EXOSC7: variants seen among roughly 807,000 people sequenced by gnomAD.
EXOSC7 encodes exosome component 7, also known as exosome complex component RRP42.
In EXOSC7, 25 loss-of-function variants were observed where a neutral mutation model predicts 34.3. The observed-to-expected ratio is 0.73, with a 90% CI of 0.53 to 1.02. The LOEUF is 1.02. EXOSC7 is among the 50% of genes least tolerant of loss of function. EXOSC7 has a pLI of 0.00. For missense variants in EXOSC7, 370 were observed against 368.5 expected, an observed-to-expected ratio of 1.00 and a Z score of -0.03; for synonymous variants, 130 against 143.0, an observed-to-expected ratio of 0.91 and a Z score of 0.65.
intron 3 of EXOSC7, 59 bp from the exon 4 acceptor site, chr3:44,997,028 C>G: frequency 6.5e-6 from 10 of 1,547,408 alleles, no homozygotes; most frequent in Non-Finnish European, 8.0e-6. Flanking sequence ...AAAGCTTTGC[C>G]TCTTTGCTTT....
At chr3:45,008,230 C>A (rs114400115) in intron 7 of EXOSC7, among the ~76,000 whole-genome samples, 193 of 152,328 alleles carry the variant, frequency 1.3e-3, no homozygotes, top group African/African-American at 4.3e-3. Context: ...CTTCTTTCCC[C>A]TATATCCACC....
Position 44,984,319 on chromosome 3 carries a change from A to C in EXOSC7, c.58-4821A>C, listed in dbSNP as rs149060009. ...GACCCCATCTCTACAAAAAGTAAAA[A>C]ATAAAAATTAGCTGGGCATGTTGAC... On this transcript the variant is annotated intron_variant, in intron 1 of 7. Transcript: ENST00000265564. Among the ~76,000 whole-genome samples, 406 of 152,252 alleles carry C rather than the reference A, an allele frequency of 2.7e-3. 3 individuals carry two copies. Among genetic ancestry groups the C allele is most frequent in the African/African-American group, 8.8e-3 (366 of 41,544 alleles).
In EXOSC7 at chr3:45,011,303, G is replaced by A; in HGVS notation, c.840G>A (p.Leu280=). 6.2e-7 allele frequency: 1 copy of A among 1,613,090 alleles called. No individual in the cohort carries two copies. The highest frequency in any genetic ancestry group is 8.5e-7 in the Non-Finnish European group (1 of 1,179,490). ...LQSVVHKEES[L]GPKRQKVGFL... Reference sequence around the variant, plus strand: ...GTGTTGTGCACAAGGAAGAAAGCCTGGGGCCCAAGAGACAGAAAGTTGGAT... The same window carrying A: ...GTGTTGTGCACAAGGAAGAAAGCCTAGGGCCCAAGAGACAGAAAGTTGGAT... Residue 280 remains leucine (L), a synonymous_variant, in exon 8 of 8, where the codon CTG becomes CTA. Coordinates refer to ENST00000265564, the MANE Select transcript of EXOSC7 (RefSeq NM_015004.4).
At chr3:44,996,708 C>T (rs1476600597) in intron 3 of EXOSC7, among the ~76,000 whole-genome samples, 4 of 152,238 alleles carry the variant, frequency 2.6e-5, no homozygotes, top group Admixed American at 1.3e-4. Flanking sequence ...GCTTCATTCC[C>T]TAGGCCTCTC....
At chr3:44,978,479 C>G (rs1706183804) in intron 1 of EXOSC7, among the ~76,000 whole-genome samples, 1 of 152,146 alleles carries the variant, frequency 6.6e-6, no homozygotes, top group Admixed American at 6.5e-5. Flanking sequence ...AGGAAGGAAC[C>G]TGTCCTTATA....
At chr3:45,006,404 G>GT (rs545281987) in intron 6 of EXOSC7, among the ~76,000 whole-genome samples, 866 of 61,624 alleles carry the variant, frequency 0.014, 22 homozygotes, top group Middle Eastern at 0.021. Context: ...TTGTTTATTT[G>GT]TTTTTTTTTT....
At position 44,997,196 on chromosome 3, in the gene EXOSC7, A is replaced by G; in HGVS notation, c.364A>G (p.Lys122Glu). ...IFNNKSSVDL[K>E]TLCISPREHC... Reference sequence around the variant, plus strand: ...TAACAATAAAAGCAGTGTCGACTTAAAGACCCTCTGCATTAGTCCTCGGGA... The same window carrying G: ...TAACAATAAAAGCAGTGTCGACTTAGAGACCCTCTGCATTAGTCCTCGGGA... Residue 122 changes from lysine (K) to glutamate (E), a missense_variant, in exon 4 of 8, where the codon AAG becomes GAG. Around this residue, in one of 3 missense-constraint regions of EXOSC7, gnomAD observed 255 missense variants for 246.4 expected, o/e 1.03. Coordinates refer to ENST00000265564, the MANE Select transcript of EXOSC7 (RefSeq NM_015004.4). The G allele has an allele frequency of 6.2e-7, 1 of 1,613,840 alleles. No individual in the cohort carries two copies. The highest frequency in any genetic ancestry group is 8.5e-7 in the Non-Finnish European group (1 of 1,179,998).
At chr3:44,984,984 T>C (rs1706368303) in intron 1 of EXOSC7, among the ~76,000 whole-genome samples, 1 of 152,252 alleles carries the variant, frequency 6.6e-6, no homozygotes, top group Admixed American at 6.5e-5. Flanking sequence ...TGCCAGGAGC[T>C]GGCCTGGAAC....
In EXOSC7 at chr3:45,007,404, C is replaced by T. The variant is rs562817727; in HGVS notation, c.616-16C>T. ...CCTGCGTGACCCACCGTGTGCCACG[C>T]ACCCTGCCTTTGCAGATTGGCTATC... is the stretch of plus-strand genomic sequence containing the variant. On this transcript the variant is annotated splice_polypyrimidine_tract_variant and intron_variant, in intron 6 of 7. Coordinates refer to ENST00000265564, the MANE Select transcript of EXOSC7 (RefSeq NM_015004.4). The T allele has an allele frequency of 1.5e-5, 25 of 1,613,764 alleles. No individual in the cohort carries two copies. Among genetic ancestry groups the T allele is most frequent in the Non-Finnish European group, 2.0e-5 (24 of 1,179,870 alleles).
chr3:44,998,837 G>A (rs1009161447), intron 4 of EXOSC7, among the ~76,000 whole-genome samples: 1 of 152,154 alleles, frequency 6.6e-6, no homozygotes, highest in African/African-American at 2.4e-5. Context: ...CAGGTCCTGG[G>A]TTTGAGAAGG....
chr3:44,997,239 A>G lies in EXOSC7; in HGVS notation c.407A>G (p.Tyr136Cys), dbSNP rs140459270. 5.9e-5 allele frequency: 95 copies of G among 1,613,796 alleles called. No individual in the cohort carries two copies. Among genetic ancestry groups the G allele is most frequent in the South Asian group, 1.3e-4 (12 of 91,056 alleles). Residue 136 changes from tyrosine to cysteine, a missense_variant, in exon 4 of 8, where the codon TAT becomes TGT. Around this residue, in one of 3 missense-constraint regions of EXOSC7, gnomAD observed 255 missense variants for 246.4 expected, o/e 1.03. Transcript: ENST00000265564. ...ISPREHCWVL[Y>C]VDVLLLECGG... The stretch of plus-strand genomic sequence containing the variant: ...CCTCGGGAGCACTGCTGGGTTCTCT[A>G]TGTGGATGTGCTGGTGAGTATCATC...
intron 7 of EXOSC7, among the ~76,000 whole-genome samples, chr3:45,009,692 C>T (rs1011769192): frequency 1.3e-5 from 2 of 152,048 alleles, no homozygotes; most frequent in African/African-American, 2.4e-5. Flanking sequence ...ATTGCAGGTG[C>T]CCGCCACCAC....
chr3:45,010,775 G>T (rs1222053934), intron 7 of EXOSC7, among the ~76,000 whole-genome samples: 1 of 152,170 alleles, frequency 6.6e-6, no homozygotes, highest in East Asian at 1.9e-4. Flanking sequence ...CTTCATGGGA[G>T]GTGAATGAGA....
chr3:45,010,344 C>T (rs1268588382), intron 7 of EXOSC7, among the ~76,000 whole-genome samples: 2 of 152,104 alleles, frequency 1.3e-5, no homozygotes, highest in African/African-American at 2.4e-5. Flanking sequence ...AACTCCTGGG[C>T]TCAAACAATC....
chr3:44,994,167 C>T (rs1706651168), intron 3 of EXOSC7, among the ~76,000 whole-genome samples: 1 of 151,642 alleles, frequency 6.6e-6, no homozygotes, highest in African/African-American at 2.4e-5. Context: ...GAATCCATAC[C>T]TCCTAGGGTT....
At chr3:45,010,403 A>G (rs1002607865) in intron 7 of EXOSC7, among the ~76,000 whole-genome samples, 2 of 151,888 alleles carry the variant, frequency 1.3e-5, no homozygotes, top group Admixed American at 6.6e-5. Flanking sequence ...GCATACCACC[A>G]TGCACAGCTA....
chr3:44,989,690 A>C, intron 3 of EXOSC7, 46 bp downstream of exon 3: 2 of 1,443,678 alleles, frequency 1.4e-6, no homozygotes, highest in Non-Finnish European at 1.9e-6. Flanking sequence ...ATGATTTTAA[A>C]GATGAAGATT....
At chr3:44,978,961 G>A (rs1337880045) in intron 1 of EXOSC7, among the ~76,000 whole-genome samples, 1 of 152,192 alleles carries the variant, frequency 6.6e-6, no homozygotes, top group African/African-American at 2.4e-5. Flanking sequence ...GGGGGAATGA[G>A]TTGGATGGTG....
At chr3:44,998,580 A>G (rs1035061116) in intron 4 of EXOSC7, among the ~76,000 whole-genome samples, 1 of 152,246 alleles carries the variant, frequency 6.6e-6, no homozygotes, top group Admixed American at 6.5e-5. Flanking sequence ...ATGAAAAGAA[A>G]CAGCCTGGCT....
Sources: allele counts gnomAD v4.1 joint callset (sites outside exome capture counted in the v4.1 genomes callset), GRCh38; gene constraint gnomAD v4.1.1; regional missense constraint gnomAD v4.1.1; transcripts MANE v1.5; gene names NCBI Gene and HGNC (gene_info 2026-07-23, HGNC 2026-07-21).